Variants in ARMC9 observed in about 807,000 individuals in gnomAD.
ARMC9 encodes the protein lisH domain-containing protein ARMC9.
In ARMC9, 94 loss-of-function variants were observed where a neutral mutation model predicts 107.0. The ratio of observed to expected loss-of-function variants is 0.88; its 90% CI spans 0.74 to 1.04. ARMC9 has a LOEUF of 1.04. Ranked by LOEUF, ARMC9 falls within the 50% of genes least tolerant of loss-of-function variation. The pLI is 0.00. For synonymous variants in ARMC9, 380 were observed against 396.9 expected, an observed-to-expected ratio of 0.96 and a Z score of 0.51; for missense variants, 942 against 1,030.1, an observed-to-expected ratio of 0.91 and a Z score of 1.17.
rs1324086502 is a variant in ARMC9 at position 231,330,017 on chromosome 2, T to C, written c.1774-1776T>C. Among the ~76,000 whole-genome samples, 3 of 152,174 alleles carry C rather than the reference T, an allele frequency of 2.0e-5. 1 individual carries two copies. Among genetic ancestry groups the C allele is most frequent in the Non-Finnish European group, 4.4e-5 (3 of 68,030 alleles). On this transcript the variant is annotated intron_variant, in intron 19 of 24. Transcript: ENST00000611582. ...TATTTGATGAGATAACTATCCTTTC[T>C]CATTGAATTTCTTTTGTACCTTAGT...
chr2:231,209,907 C>A (rs907200591), intron 3 of ARMC9, among the ~76,000 whole-genome samples: 1 of 152,202 alleles, frequency 6.6e-6, no homozygotes, highest in Non-Finnish European at 1.5e-5. Context: ...TGGTCTCAAA[C>A]TCCCAATCTC....
At chr2:231,338,195 T>G (rs2125570975) in intron 20 of ARMC9, among the ~76,000 whole-genome samples, 1 of 152,106 alleles carries the variant, frequency 6.6e-6, no homozygotes, top group African/African-American at 2.4e-5. Flanking sequence ...GAATGAGAAT[T>G]AGAACATAAA....
At chr2:231,226,918 A>G in intron 7 of ARMC9, 120 bp downstream of exon 7, 1 of 1,221,152 alleles carries the variant, frequency 8.2e-7, no homozygotes, top group Non-Finnish European at 1.2e-6. Flanking sequence ...CTAAATATTT[A>G]TGAAAGGCTT....
At chr2:231,292,451 G>A (rs143972358) in intron 18 of ARMC9, among the ~76,000 whole-genome samples, 1 of 152,242 alleles carries the variant, frequency 6.6e-6, no homozygotes, top group African/African-American at 2.4e-5. Flanking sequence ...TTCATTCACT[G>A]CAGAAAAACT....
intron 23 of ARMC9, among the ~76,000 whole-genome samples, chr2:231,368,325 A>T (rs748708379): frequency 6.6e-6 from 1 of 152,212 alleles, no homozygotes; most frequent in African/African-American, 2.4e-5. Flanking sequence ...CAGGAAATGC[A>T]TCCTGATCTC....
At chr2:231,228,681 A>G (rs1012463669) in intron 7 of ARMC9, among the ~76,000 whole-genome samples, 5 of 152,110 alleles carry the variant, frequency 3.3e-5, no homozygotes, top group African/African-American at 1.2e-4. Flanking sequence ...TCTTGATGGG[A>G]AGGAGGGTGT....
At chr2:231,354,150 C>G (rs2045232072) in intron 21 of ARMC9, among the ~76,000 whole-genome samples, 1 of 150,662 alleles carries the variant, frequency 6.6e-6, no homozygotes, top group African/African-American at 2.4e-5. Flanking sequence ...ACTGAGTTGG[C>G]TAGGAGTGTG....
At chr2:231,221,735 G>T (rs1402709869) in intron 5 of ARMC9, among the ~76,000 whole-genome samples, 1 of 151,156 alleles carries the variant, frequency 6.6e-6, no homozygotes, top group South Asian at 2.1e-4. Context: ...AGAGGCTGAG[G>T]CAGGAGAGTT....
chr2:231,359,082 G>GTTATTTTT, intron 22 of ARMC9, among the ~76,000 whole-genome samples: 1 of 117,826 alleles, frequency 8.5e-6, no homozygotes, highest in South Asian at 2.7e-4. Context: ...GGGGTCTCCT[G>GTTATTTTT]TTTTTTTTTT....
intron 19 of ARMC9, among the ~76,000 whole-genome samples, chr2:231,324,152 T>G (rs558715073): frequency 7.9e-4 from 104 of 131,774 alleles, no homozygotes; most frequent in Admixed American, 1.2e-3. Context: ...TTTTGTGATG[T>G]AGTCTTGCTC....
intron 23 of ARMC9, 53 bp from the exon 24 acceptor site, chr2:231,369,900 G>A: frequency 3.5e-6 from 5 of 1,414,912 alleles, no homozygotes; most frequent in Non-Finnish European, 4.6e-6. Context: ...GGCCCCTCCT[G>A]TGGTTTCTAA....
chr2:231,359,971 G>A (rs887648227), intron 22 of ARMC9, among the ~76,000 whole-genome samples: 1 of 152,204 alleles, frequency 6.6e-6, no homozygotes, highest in Admixed American at 6.5e-5. Context: ...GCTGAGAGGA[G>A]CTTGGCCTAA....
At chr2:231,298,377 G>T (rs1271683336) in intron 19 of ARMC9, among the ~76,000 whole-genome samples, 1 of 152,172 alleles carries the variant, frequency 6.6e-6, no homozygotes, top group East Asian at 1.9e-4. Flanking sequence ...GTTTATAACT[G>T]TCTTTCAAAG....
chr2:231,284,195 T>C (rs979787250), intron 17 of ARMC9, among the ~76,000 whole-genome samples: 1 of 152,222 alleles, frequency 6.6e-6, no homozygotes, highest in Non-Finnish European at 1.5e-5. Flanking sequence ...CCTACAGTAT[T>C]CAACACAGTC....
rs1489845917 is a variant in ARMC9 at position 231,208,282 on chromosome 2, A to G, written c.177+30A>G. 8 of 1,547,026 alleles carry G rather than the reference A, an allele frequency of 5.2e-6. No individual in the cohort carries two copies. The African/African-American group carries it at 8.2e-5, about 16-fold the overall frequency. On this transcript the variant is annotated intron_variant, in intron 3 of 24. Coordinates refer to ENST00000611582, the MANE Select transcript of ARMC9 (RefSeq NM_001352754.2). ...CATTTTGCTTATTTTTCATCCCTGT[A>G]GATAATTCAGGATGCTCCCAACTTG...
intron 8 of ARMC9, among the ~76,000 whole-genome samples, chr2:231,237,759 A>ATGTG (rs1553601884): frequency 3.5e-5 from 1 of 28,752 alleles, no homozygotes; most frequent in East Asian, 1.1e-3. Flanking sequence ...ATATGTATAT[A>ATGTG]TATATATATA....
At chr2:231,206,609 C>A (rs1031033071) in intron 2 of ARMC9, among the ~76,000 whole-genome samples, 2 of 152,162 alleles carry the variant, frequency 1.3e-5, no homozygotes, top group Admixed American at 6.5e-5. Context: ...TATTCACATG[C>A]CTGTAGTTTG....
At position 231,355,860 on chromosome 2, in the gene ARMC9, C is replaced by T; in HGVS notation, c.2057C>T (p.Ala686Val). The T allele has an allele frequency of 6.5e-7, 1 of 1,536,156 alleles. No homozygotes were observed. The highest frequency in any genetic ancestry group is 8.7e-7 in the Non-Finnish European group (1 of 1,146,916). The change falls in exon 22 of 25, where the codon GCC (alanine) becomes GTC (valine). Residue 686 changes from alanine to valine, a missense_variant. Transcript: ENST00000611582. Reference sequence around the variant, plus strand: ...CACGCCAGAAACGGCCACCCGCAGGCCCTGCCAGCCGCTCACGAGGCTGTC... The same window carrying T: ...CACGCCAGAAACGGCCACCCGCAGGTCCTGCCAGCCGCTCACGAGGCTGTC... The part of the protein sequence containing the change: ...AQHARNGHPQ[A>V]LPAAHEAVYR...
intron 1 of ARMC9, among the ~76,000 whole-genome samples, chr2:231,205,347 G>A (rs997372752): frequency 6.6e-6 from 1 of 152,062 alleles, no homozygotes; most frequent in African/African-American, 2.4e-5. Flanking sequence ...TCCATCCTGG[G>A]CAACGGAGTG....
Sources: gnomAD v4.1 joint callset for allele counts (sites outside exome capture counted in the v4.1 genomes callset) on GRCh38, gnomAD v4.1.1 for gene constraint, MANE v1.5 for transcripts, NCBI Gene and HGNC (gene_info 2026-07-23, HGNC 2026-07-21) for gene names.